NRG3: variants seen among roughly 807,000 people sequenced by gnomAD.
NRG3 encodes neuregulin 3, also known as pro-neuregulin-3, membrane-bound isoform.
Under a neutral mutation model 66.9 loss-of-function variants are expected in NRG3, and 31 were observed. That is an observed-to-expected ratio of 0.46 (90% CI 0.35 to 0.63). The LOEUF is 0.63. Among genes scored for constraint, NRG3 ranks in the 20% least tolerant of loss-of-function variants. The pLI, the probability that NRG3 is intolerant of heterozygous loss-of-function variation, is 0.00. For synonymous variants in NRG3, 393 were observed against 359.4 expected, an observed-to-expected ratio of 1.09 and a Z score of -1.06; for missense variants, 910 against 878.9, an observed-to-expected ratio of 1.04 and a Z score of -0.45.
chr10:82,778,514 A>G (rs2059993194), intron 3 of NRG3, among the ~76,000 whole-genome samples: 1 of 152,006 alleles, frequency 6.6e-6, no homozygotes, highest in Non-Finnish European at 1.5e-5. Context: ...GGCCTCACAA[A>G]CTCACTCATT....
intron 3 of NRG3, among the ~76,000 whole-genome samples, chr10:82,746,571 T>C (rs990640352): frequency 6.6e-6 from 1 of 152,190 alleles, no homozygotes; most frequent in Non-Finnish European, 1.5e-5. Context: ...CTCTCTGTCA[T>C]CTCTCCTCTG....
intron 2 of NRG3, among the ~76,000 whole-genome samples, chr10:82,541,667 G>T (rs765896277): frequency 9.2e-5 from 14 of 152,146 alleles, no homozygotes; most frequent in African/African-American, 3.4e-4. Flanking sequence ...GAGTGGCTCC[G>T]GGCTGTCTGC....
intron 1 of NRG3, among the ~76,000 whole-genome samples, chr10:82,208,432 C>T (rs1000167946): frequency 2.0e-5 from 3 of 152,108 alleles, no homozygotes; most frequent in Non-Finnish European, 4.4e-5. Flanking sequence ...TCATTTATAC[C>T]TCTCAGCAGA....
intron 1 of NRG3, among the ~76,000 whole-genome samples, chr10:82,282,872 G>A (rs1383374816): frequency 6.6e-6 from 1 of 152,028 alleles, no homozygotes; most frequent in Non-Finnish European, 1.5e-5. Context: ...CACCTCCCAG[G>A]TGACTTCTGC....
chr10:82,442,761 C>T (rs1003340776), intron 2 of NRG3, among the ~76,000 whole-genome samples: 42 of 135,154 alleles, frequency 3.1e-4, no homozygotes, highest in African/African-American at 9.3e-4. Flanking sequence ...CTATTGAGCA[C>T]CAAAGATCTT....
intron 1 of NRG3, among the ~76,000 whole-genome samples, chr10:81,879,710 G>A (rs1842008721): frequency 1.3e-5 from 2 of 152,150 alleles, no homozygotes; most frequent in Admixed American, 1.3e-4. Flanking sequence ...ATTTAATCAT[G>A]TCTATTTCTA....
chr10:82,246,916 G>A (rs2077272189), intron 1 of NRG3, among the ~76,000 whole-genome samples: 1 of 152,086 alleles, frequency 6.6e-6, no homozygotes, highest in South Asian at 2.1e-4. Flanking sequence ...CTCTGCCTTG[G>A]CTACATAAGA....
At chr10:81,952,932 G>A (rs547902088) in intron 1 of NRG3, among the ~76,000 whole-genome samples, 4 of 151,730 alleles carry the variant, frequency 2.6e-5, no homozygotes, top group Admixed American at 6.6e-5. Flanking sequence ...ACACTTGGCC[G>A]TTAACTTCTG....
intron 1 of NRG3, among the ~76,000 whole-genome samples, chr10:82,278,220 A>G (rs904162556): frequency 1.3e-5 from 2 of 151,914 alleles, no homozygotes; most frequent in East Asian, 3.9e-4. Flanking sequence ...ATTTTTTTTT[A>G]AAGCGTTCTT....
At chr10:82,950,438 G>T (rs1340077146) in intron 4 of NRG3, among the ~76,000 whole-genome samples, 1 of 152,084 alleles carries the variant, frequency 6.6e-6, no homozygotes, top group African/African-American at 2.4e-5. Flanking sequence ...ACCATTAGAT[G>T]ACTACTTAAG....
intron 1 of NRG3, among the ~76,000 whole-genome samples, chr10:82,342,993 C>T (rs974918618): frequency 1.3e-5 from 2 of 151,982 alleles, no homozygotes; most frequent in Admixed American, 6.6e-5. Flanking sequence ...TATGGTTATC[C>T]AATTTTTCCA....
chr10:82,538,473 T>A (rs2043311659), intron 2 of NRG3, among the ~76,000 whole-genome samples: 1 of 152,200 alleles, frequency 6.6e-6, no homozygotes, highest in African/African-American at 2.4e-5. Flanking sequence ...TTTTAAAATA[T>A]CTTACCATGA....
intron 3 of NRG3, among the ~76,000 whole-genome samples, chr10:82,815,109 A>G (rs1395569775): frequency 6.6e-6 from 1 of 152,230 alleles, no homozygotes; most frequent in East Asian, 1.9e-4. Context: ...TCCAAAACCC[A>G]TGTTAGTAAG....
intron 1 of NRG3, among the ~76,000 whole-genome samples, chr10:82,115,272 G>A (rs1036511193): frequency 6.6e-5 from 10 of 151,988 alleles, no homozygotes; most frequent in Admixed American, 4.6e-4. Flanking sequence ...CCTAGATACT[G>A]CATAAATGCA....
chr10:82,817,752 A>G (rs2061776110), intron 3 of NRG3, among the ~76,000 whole-genome samples: 2 of 152,222 alleles, frequency 1.3e-5, no homozygotes, highest in Non-Finnish European at 2.9e-5. Context: ...GGAGTTCTCT[A>G]CTGAAAAGAC....
At chr10:82,195,524 A>G (rs960053101) in intron 1 of NRG3, among the ~76,000 whole-genome samples, 1 of 152,236 alleles carries the variant, frequency 6.6e-6, no homozygotes, top group Non-Finnish European at 1.5e-5. Context: ...TCCCCCCACC[A>G]TATCTCTATA....
At chr10:82,413,054 T>C (rs1451561008) in intron 2 of NRG3, among the ~76,000 whole-genome samples, 1 of 152,148 alleles carries the variant, frequency 6.6e-6, no homozygotes, top group Non-Finnish European at 1.5e-5. Flanking sequence ...TTTCCAACCT[T>C]TGTTATTGTT....
chr10:82,214,741 A>G (rs912860423), intron 1 of NRG3, among the ~76,000 whole-genome samples: 2 of 152,142 alleles, frequency 1.3e-5, no homozygotes, highest in Non-Finnish European at 2.9e-5. Flanking sequence ...AAGCACTGGG[A>G]TTACTGTTGT....
At chr10:82,452,876 G>C (rs1191032969) in intron 2 of NRG3, among the ~76,000 whole-genome samples, 1 of 152,132 alleles carries the variant, frequency 6.6e-6, no homozygotes, top group African/African-American at 2.4e-5. Flanking sequence ...TTATGGAGAT[G>C]GTTTGAAAGG....
Sources: gnomAD v4.1 joint callset for allele counts (sites outside exome capture counted in the v4.1 genomes callset) on GRCh38, gnomAD v4.1.1 for gene constraint, MANE v1.5 for transcripts, NCBI Gene and HGNC (gene_info 2026-07-23, HGNC 2026-07-21) for gene names.